Variants in EZH2 observed in about 807,000 individuals in gnomAD.
The protein encoded by EZH2 is enhancer of zeste 2 polycomb repressive complex 2 subunit.
In EZH2, 18 loss-of-function variants were observed where a neutral mutation model predicts 98.4. The observed-to-expected ratio is 0.18, with a 90% CI of 0.13 to 0.27. EZH2 has a LOEUF of 0.27. Ranked by LOEUF, EZH2 falls within the 10% of genes least tolerant of loss-of-function variation. The pLI is 1.00. For synonymous variants in EZH2, 338 were observed against 312.3 expected, an observed-to-expected ratio of 1.08 and a Z score of -0.87; for missense variants, 470 against 935.1, an observed-to-expected ratio of 0.50 and a Z score of 6.49.
intron 1 of EZH2, among the ~76,000 whole-genome samples, chr7:148,854,925 T>TA (rs751354778): frequency 4.6e-5 from 7 of 152,250 alleles, no homozygotes; most frequent in Non-Finnish European, 8.8e-5. Context: ...AAAGAGAACT[T>TA]AGACATATAG....
chr7:148,877,812 C>G (rs1439748778), intron 1 of EZH2, among the ~76,000 whole-genome samples: 1 of 152,212 alleles, frequency 6.6e-6, no homozygotes, highest in Admixed American at 6.5e-5. Flanking sequence ...TTAAATGTAA[C>G]TTTCTGAATG....
chr7:148,868,627 G>A (rs1818884264), intron 1 of EZH2, among the ~76,000 whole-genome samples: 1 of 152,150 alleles, frequency 6.6e-6, no homozygotes, highest in Non-Finnish European at 1.5e-5. Context: ...CTTCCATATG[G>A]GAAAAGAAGA....
At chr7:148,831,766 T>C (rs1809465240) in intron 4 of EZH2, among the ~76,000 whole-genome samples, 1 of 152,240 alleles carries the variant, frequency 6.6e-6, no homozygotes, top group African/African-American at 2.4e-5. Context: ...CAAGGACTTC[T>C]ATCAACATTT....
chr7:148,816,737 T>C lies in EZH2; in HGVS notation c.1452A>G (p.Pro484=), dbSNP rs148524884. 164 of 1,614,164 alleles carry C rather than the reference T, an allele frequency of 1.0e-4. No individual in the cohort carries two copies. The African/African-American group carries it at 1.9e-3, about 19-fold the overall frequency. Residue 484 remains proline (P), a synonymous_variant, in exon 12 of 20, where the codon CCA becomes CCG. Transcript: ENST00000320356. The part of the protein sequence containing the change: ...FRVKESSIIA[P]APAEDVDTPP... ...GAGTATCCACATCCTCAGCGGGAGC[T>C]GGAGCTATGATGCTAGATTCTTTGA...
intron 8 of EZH2, 43 bp downstream of exon 8, chr7:148,826,411 T>C: frequency 6.8e-7 from 1 of 1,470,942 alleles, no homozygotes; most frequent in Non-Finnish European, 9.1e-7. Context: ...CCAAGCTGCT[T>C]TAAAACATAA....
rs147249697 is a variant in EZH2, at chr7:148,813,458, TC to T, written c.1851+500del. Among the ~76,000 whole-genome samples, 220 of 152,060 alleles carry T rather than the reference TC, an allele frequency of 1.4e-3. 2 individuals are homozygous for T. The highest frequency in any genetic ancestry group is 5.2e-3 in the African/African-American group (214 of 41,474). ...ATTCCCCAGACTAAAAATATATAGTTCCTAGCTGGGTTTTTTTCAAGGTTAT... is the reference window on the plus strand; with the variant it reads ...ATTCCCCAGACTAAAAATATATAGTTCTAGCTGGGTTTTTTTCAAGGTTAT... On this transcript the variant is annotated intron_variant, in intron 15 of 19. Coordinates refer to ENST00000320356, the MANE Select transcript of EZH2 (RefSeq NM_004456.5).
chr7:148,829,977 A>G (rs1808881557), intron 4 of EZH2, 129 bp from the exon 5 acceptor site: 1 of 559,208 alleles, frequency 1.8e-6, no homozygotes. Flanking sequence ...TACTAGTCAG[A>G]GAGCAAACTC....
Position 148,884,201 on chromosome 7 carries a change from T to TCGCCCCCGCGCGC in EZH2, c.-58_-46dup, listed in dbSNP as rs1166439235. ...CGCCGACTCGCGTTGTTCCCGCGCG[T>TCGCCCCCGCGCGC]CGCCCCCGCGCGCCGCCGCCGCCGC... On this transcript the variant is annotated 5_prime_UTR_variant, in exon 1 of 20. Transcript: ENST00000320356. 5 of 167,762 alleles carry TCGCCCCCGCGCGC rather than the reference T, an allele frequency of 3.0e-5. No individual in the cohort carries two copies. The highest frequency in any genetic ancestry group is 1.2e-4 in the East Asian group (1 of 8,598). 10.4% of individuals were successfully genotyped at this position (167,762 alleles called of 1,614,324 possible).
At chr7:148,809,695 A>C (rs1299171941) in intron 17 of EZH2, among the ~76,000 whole-genome samples, 1 of 152,254 alleles carries the variant, frequency 6.6e-6, no homozygotes, top group East Asian at 1.9e-4. Context: ...AAATTCTTCC[A>C]AACATCACGA....
chr7:148,812,115 C>A (rs1200415885), intron 15 of EZH2, among the ~76,000 whole-genome samples: 1 of 152,148 alleles, frequency 6.6e-6, no homozygotes, highest in Non-Finnish European at 1.5e-5. Context: ...CCTCTCCATA[C>A]CTTTCCCTCT....
intron 3 of EZH2, among the ~76,000 whole-genome samples, chr7:148,839,053 TAAGGAAGGAAGGAAGGAAGG>T (rs60020948): frequency 0.051 from 5,512 of 107,802 alleles, 151 homozygotes; most frequent in African/African-American, 0.06. Context: ...CTCTGTCAAA[TAAGGAAGGAAGGAAGGAAGG>T]AAGGAAGGAA....
rs77222847 is a variant in EZH2 at position 148,857,124 on chromosome 7, C to A, written c.-7-9819G>T. Among the ~76,000 whole-genome samples the A allele has an allele frequency of 2.0e-3, 302 of 152,380 alleles. 3 individuals carry two copies. Among genetic ancestry groups the A allele is most frequent in the Non-Finnish European group, 3.3e-3 (227 of 68,038 alleles). ...TCCCCCAGACCTCAACCCATAACTT[C>A]AGCCTAATCATAAGAAAACATCCGA... On this transcript the variant is annotated intron_variant, in intron 1 of 19. Coordinates refer to ENST00000320356, the MANE Select transcript of EZH2 (RefSeq NM_004456.5).
At chr7:148,817,444 G>A (rs1804853476) in intron 10 of EZH2, 53 bp from the exon 11 acceptor site, 1 of 1,567,782 alleles carries the variant, frequency 6.4e-7, no homozygotes, top group Middle Eastern at 1.7e-4. Context: ...ATAATATTAA[G>A]AAGTACAATT....
chr7:148,847,390 A>G, intron 1 of EZH2, 85 bp from the exon 2 acceptor site: 1 of 1,525,040 alleles, frequency 6.6e-7, no homozygotes, highest in Non-Finnish European at 8.9e-7. Context: ...GCAAACTAAC[A>G]ATCAGTGAAG....
chr7:148,822,109 G>C (rs895100029), intron 8 of EZH2, among the ~76,000 whole-genome samples: 1 of 152,078 alleles, frequency 6.6e-6, no homozygotes, highest in Non-Finnish European at 1.5e-5. Flanking sequence ...ATGGATCAAA[G>C]ATTTATGTTT....
rs200827197 is a variant in EZH2 at position 148,846,550 on chromosome 7, A to G, written c.166T>C (p.Leu56=). The change falls in exon 3 of 20, where the codon TTA becomes CTA. Residue 56 remains leucine (L), a synonymous_variant. Transcript: ENST00000320356. ...CTTCGCTGTTTCCATTCTTGGTTTA[A>G]GATTTCCGTTCTTTCCAAAATTTTC... ...RQKILERTEI[L]NQEWKQRRIQ... is the part of the protein sequence containing the mutation. The G allele has an allele frequency of 1.2e-5, 19 of 1,613,988 alleles. No individual in the cohort carries two copies. The highest frequency in any genetic ancestry group is 1.5e-5 in the Non-Finnish European group (18 of 1,179,904).
At chr7:148,854,313 GTAGTCCCA>G (rs1467418761) in intron 1 of EZH2, among the ~76,000 whole-genome samples, 7 of 152,136 alleles carry the variant, frequency 4.6e-5, no homozygotes, top group Admixed American at 3.3e-4. Context: ...GCGGGCACCT[GTAGTCCCA>G]GCTACTCGGG....
chr7:148,808,160 C>T (rs946574891), intron 19 of EZH2, among the ~76,000 whole-genome samples: 3 of 152,218 alleles, frequency 2.0e-5, no homozygotes, highest in Non-Finnish European at 4.4e-5. Context: ...TGGAGTGCAG[C>T]GGACACCCAG....
chr7:148,870,204 G>T (rs562933290), intron 1 of EZH2, among the ~76,000 whole-genome samples: 29 of 152,172 alleles, frequency 1.9e-4, no homozygotes, highest in African/African-American at 5.8e-4. Context: ...CCATCTACAG[G>T]GCCTGCTCAA....
Sources: gnomAD v4.1 joint callset for allele counts (sites outside exome capture counted in the v4.1 genomes callset) on GRCh38, gnomAD v4.1.1 for gene constraint, MANE v1.5 for transcripts, NCBI Gene and HGNC (gene_info 2026-07-23, HGNC 2026-07-21) for gene names.